The following IMMP2L variants were observed in gnomAD, a reference collection of about 807,000 sequenced individuals.
IMMP2L encodes inner mitochondrial membrane peptidase subunit 2.
Under a neutral mutation model 19.3 loss-of-function variants are expected in IMMP2L, and 18 were observed. The observed-to-expected ratio is 0.93, with a 90% CI of 0.64 to 1.38. The LOEUF (loss-of-function observed/expected upper bound fraction) is 1.38, where lower values mean the gene tolerates loss of function less well. IMMP2L is among the 40% of genes most tolerant of loss of function. The pLI is 0.00. For synonymous variants in IMMP2L, 76 were observed against 73.0 expected (o/e 1.04, Z -0.21); for missense variants, 233 against 218.2 (o/e 1.07, Z -0.43).
intron 3 of IMMP2L, among the ~76,000 whole-genome samples, chr7:111,121,718 A>T (rs1354756992): frequency 8.6e-5 from 13 of 151,818 alleles, no homozygotes; most frequent in Non-Finnish European, 1.5e-4. Flanking sequence ...GACCCAGCCA[A>T]CCCATTACTG....
chr7:110,873,724 A>G (rs921974074), intron 5 of IMMP2L, among the ~76,000 whole-genome samples: 1 of 151,656 alleles, frequency 6.6e-6, no homozygotes, highest in African/African-American at 2.4e-5. Context: ...CAGTGAGCCA[A>G]GATGGTGCCA....
intron 3 of IMMP2L, among the ~76,000 whole-genome samples, chr7:111,075,082 T>G (rs1795274838): frequency 6.7e-6 from 1 of 149,274 alleles, no homozygotes; most frequent in Admixed American, 6.7e-5. Flanking sequence ...GCAAAAAAAT[T>G]TGGCTGTTAT....
chr7:111,470,433 T>C lies in IMMP2L; in HGVS notation c.239+16805A>G, dbSNP rs539838896. Among the ~76,000 whole-genome samples the C allele has an allele frequency of 3.4e-3, 517 of 152,150 alleles. 2 individuals are homozygous for C. Among genetic ancestry groups the C allele is most frequent in the African/African-American group, 7.5e-3 (311 of 41,522 alleles). On this transcript the variant is annotated intron_variant, in intron 3 of 5. Coordinates refer to ENST00000405709, the MANE Select transcript of IMMP2L (RefSeq NM_032549.4). The stretch of plus-strand genomic sequence containing the variant: ...ATAGACACATGCACACGTATGTTTA[T>C]TGTGGCACTATTCACAATAGCAAAG...
At chr7:111,537,919 GC>G (rs1472390739) in intron 1 of IMMP2L, among the ~76,000 whole-genome samples, 1 of 151,726 alleles carries the variant, frequency 6.6e-6, no homozygotes, top group African/African-American at 2.4e-5. Context: ...TTGTCTCTGG[GC>G]CCTTATACAT....
chr7:111,281,550 C>T (rs888825856), intron 3 of IMMP2L, among the ~76,000 whole-genome samples: 1 of 152,034 alleles, frequency 6.6e-6, no homozygotes, highest in Admixed American at 6.6e-5. Flanking sequence ...CACTAAGTAC[C>T]CAACAGAGAC....
chr7:110,953,473 C>T (rs895275804), intron 4 of IMMP2L, among the ~76,000 whole-genome samples: 1 of 152,130 alleles, frequency 6.6e-6, no homozygotes, highest in Non-Finnish European at 1.5e-5. Flanking sequence ...CCAGCTTCAT[C>T]CATGTCCCTG....
chr7:110,973,862 A>T (rs1174640254), intron 3 of IMMP2L, among the ~76,000 whole-genome samples: 2 of 152,070 alleles, frequency 1.3e-5, no homozygotes, highest in African/African-American at 2.4e-5. Context: ...ACAGACTCTG[A>T]AACCATCATT....
chr7:111,213,955 A>T lies in IMMP2L; in HGVS notation c.240-250390T>A, dbSNP rs1012571321. Among the ~76,000 whole-genome samples the T allele has an allele frequency of 6.6e-6, 1 of 152,250 alleles. No homozygotes were observed. Among genetic ancestry groups the T allele is most frequent in the Non-Finnish European group, 1.5e-5 (1 of 68,034 alleles). ...AAAAAAATAAGACCCAAGTCACATG[A>T]ATAGTGAAGAGCTATAAGTATTCAT... On this transcript the variant is annotated intron_variant, in intron 3 of 5. Transcript: ENST00000405709. This position sits in a 1 kb window ranked among gnomAD's most constrained non-coding sequence, Gnocchi z 4.8.
At chr7:111,319,085 G>C (rs184539626) in intron 3 of IMMP2L, among the ~76,000 whole-genome samples, 7 of 152,242 alleles carry the variant, frequency 4.6e-5, no homozygotes, top group Admixed American at 6.6e-5. Flanking sequence ...GTAAGGCTAA[G>C]TAAGCGTTAC....
At chr7:111,341,014 C>A (rs1335438774) in intron 3 of IMMP2L, among the ~76,000 whole-genome samples, 1 of 152,088 alleles carries the variant, frequency 6.6e-6, no homozygotes, top group Admixed American at 6.6e-5. Flanking sequence ...TCAAGCTGTA[C>A]TTTCAAGATG....
intron 3 of IMMP2L, among the ~76,000 whole-genome samples, chr7:111,446,988 G>A (rs1254326512): frequency 1.3e-5 from 2 of 149,184 alleles, no homozygotes; most frequent in African/African-American, 2.5e-5. Flanking sequence ...GAAATGAAGC[G>A]AGAAGGGAAG....
intron 1 of IMMP2L, among the ~76,000 whole-genome samples, chr7:111,550,961 A>G (rs573018885): frequency 6.6e-6 from 1 of 152,316 alleles, no homozygotes; most frequent in South Asian, 2.1e-4. Context: ...ATCTGCAGCA[A>G]CAAGGAGAAA....
Position 110,997,769 on chromosome 7 carries a change from C to T in IMMP2L, c.240-34204G>A, listed in dbSNP as rs181936039. 3.3e-5 allele frequency among the ~76,000 whole-genome samples: 5 copies of T among 152,148 alleles called. 1 individual carries two copies. The East Asian group carries it at 7.7e-4, about 24-fold the overall frequency. ...TATATTCTAGACACAAATTCTTCCTCAGATATGCGGTTTGCAAATACTTTC... is the reference window on the plus strand; with the variant it reads ...TATATTCTAGACACAAATTCTTCCTTAGATATGCGGTTTGCAAATACTTTC... On this transcript the variant is annotated intron_variant, in intron 3 of 5. Transcript: ENST00000405709.
At chr7:110,997,895 C>G (rs1823211995) in intron 3 of IMMP2L, among the ~76,000 whole-genome samples, 1 of 152,012 alleles carries the variant, frequency 6.6e-6, no homozygotes, top group Non-Finnish European at 1.5e-5. Context: ...CAGAACTTGC[C>G]AAGTTCTTCT....
intron 5 of IMMP2L, among the ~76,000 whole-genome samples, chr7:110,720,833 T>A (rs1041818873): frequency 6.6e-6 from 1 of 152,130 alleles, no homozygotes; most frequent in Non-Finnish European, 1.5e-5. Context: ...CCAACCTGTT[T>A]TTCCAGTATA....
chr7:110,955,474 C>A (rs1198344220), intron 4 of IMMP2L, among the ~76,000 whole-genome samples: 1 of 151,758 alleles, frequency 6.6e-6, no homozygotes, highest in Non-Finnish European at 1.5e-5. Context: ...TTTAATTGTA[C>A]TGCTCAATCC....
chr7:111,214,427 C>T (rs566304754), intron 3 of IMMP2L, among the ~76,000 whole-genome samples: 1 of 140,628 alleles, frequency 7.1e-6, no homozygotes, highest in East Asian at 2.1e-4. Flanking sequence ...ACTACAACCT[C>T]CGCCTCCTGG....
intron 3 of IMMP2L, among the ~76,000 whole-genome samples, chr7:111,478,551 T>C (rs1841913434): frequency 7.0e-6 from 1 of 143,848 alleles, no homozygotes. Context: ...TGCAACACCA[T>C]GCCCAGCTTT....
chr7:111,217,966 A>T (rs1467413707), intron 3 of IMMP2L, among the ~76,000 whole-genome samples: 1 of 152,056 alleles, frequency 6.6e-6, no homozygotes, highest in African/African-American at 2.4e-5. Context: ...CAGTATTTTC[A>T]TGTTCTTCAC....
Sources: allele counts gnomAD v4.1 joint callset (sites outside exome capture counted in the v4.1 genomes callset), GRCh38; gene constraint gnomAD v4.1.1; non-coding constraint Gnocchi (gnomAD v3.1); transcripts MANE v1.5; gene names NCBI Gene and HGNC (gene_info 2026-07-23, HGNC 2026-07-21).